Variants in PER2 observed in about 807,000 individuals in gnomAD.
The protein encoded by PER2 is period circadian regulator 2.
Under a neutral mutation model 121.0 loss-of-function variants are expected in PER2, and 66 were observed. That is an observed-to-expected ratio of 0.55 (90% confidence interval 0.45 to 0.67). PER2 has a LOEUF of 0.67. PER2 is among the 30% of genes least tolerant of loss of function. The pLI is 0.00. For synonymous variants in PER2, 684 were observed against 659.9 expected, an observed-to-expected ratio of 1.04 and a Z score of -0.56; for missense variants, 1,521 against 1,635.0, an observed-to-expected ratio of 0.93 and a Z score of 1.20.
Position 238,244,156 on chromosome 2 carries a change from C to T in PER2, c.*2219G>A, listed in dbSNP as rs1302874647. ...GGGTAAAGAAAGTTTGGTTTGCACA[C>T]AAACAAACCACTTGTCCAGCAAGGC... On this transcript the variant is annotated 3_prime_UTR_variant, in exon 23 of 23. Transcript: ENST00000254657. The T allele has an allele frequency of 6.6e-6, 1 of 152,538 alleles. No individual in the cohort carries two copies. Among genetic ancestry groups the T allele is most frequent in the Non-Finnish European group, 1.5e-5 (1 of 68,032 alleles). The allele number at this position is 152,538 out of a possible 1,614,324, so 9.4% of individuals were successfully genotyped here.
At chr2:238,269,339 ACGG>A (rs1222114844) in intron 6 of PER2, among the ~76,000 whole-genome samples, 24 of 150,660 alleles carry the variant, frequency 1.6e-4, no homozygotes, top group African/African-American at 5.1e-4. Flanking sequence ...GAACACACTC[ACGG>A]TGCACTGCTG....
chr2:238,287,840 C>CCACCT (rs1696833719), intron 1 of PER2, among the ~76,000 whole-genome samples: 1 of 152,218 alleles, frequency 6.6e-6, no homozygotes, highest in African/African-American at 2.4e-5. Context: ...GGGAAGCAGG[C>CCACCT]CACCTCCCAC....
At position 238,258,538 on chromosome 2, in the gene PER2, G is replaced by A; in HGVS notation, c.1734C>T (p.Thr578=). 6.2e-7 allele frequency: 1 copy of A among 1,614,244 alleles called. No homozygotes were observed. The stretch of plus-strand genomic sequence containing the variant: ...AGCAGCTGATCTGCTGGTAGGAGCA[G>A]GTGGGCTGGTTCTTGCAGGCCAACT... The part of the protein sequence containing the change: ...PEELACKNQP[T]CSYQQISCLD... Residue 578 remains threonine, a synonymous_variant, in exon 15 of 23, where the codon ACC becomes ACT. Coordinates refer to ENST00000254657, the MANE Select transcript of PER2 (RefSeq NM_022817.3).
chr2:238,262,803 C>T, intron 10 of PER2, 149 bp downstream of exon 10: 1 of 689,014 alleles, frequency 1.5e-6, no homozygotes, highest in Non-Finnish European at 2.7e-6. Flanking sequence ...ACTGCAGTGC[C>T]AGGAGGGAGG....
At chr2:238,250,851 T>C in intron 20 of PER2, 108 bp from the exon 21 acceptor site, 1 of 765,146 alleles carries the variant, frequency 1.3e-6, no homozygotes, top group Non-Finnish European at 2.3e-6. Context: ...CAGTGCCTTC[T>C]TAGGTATTGG....
intron 6 of PER2, among the ~76,000 whole-genome samples, chr2:238,270,507 T>TA: frequency 6.6e-6 from 1 of 152,170 alleles, no homozygotes; most frequent in South Asian, 2.1e-4. Flanking sequence ...CAATGGCTAG[T>TA]TACGGAAAAT....
At chr2:238,287,006 A>G (rs562570323) in intron 1 of PER2, among the ~76,000 whole-genome samples, 12 of 152,306 alleles carry the variant, frequency 7.9e-5, no homozygotes, top group Admixed American at 6.5e-4. Context: ...GAAAACCAAA[A>G]ACCTGGGAAT....
Position 238,244,381 on chromosome 2 carries a change from C to T in PER2, c.*1994G>A, listed in dbSNP as rs186278761. 3 of 152,674 alleles carry T rather than the reference C, an allele frequency of 2.0e-5. No individual in the cohort carries two copies. The highest frequency in any genetic ancestry group is 6.5e-5 in the Admixed American group (1 of 15,306). The allele number at this position is 152,674 out of a possible 1,614,324, so 9.5% of individuals were successfully genotyped here. A position where few individuals can be genotyped will look rare whatever the true frequency, so the allele number is the denominator to read the frequency against. On this transcript the variant is annotated 3_prime_UTR_variant, in exon 23 of 23. Coordinates refer to ENST00000254657, the MANE Select transcript of PER2 (RefSeq NM_022817.3). ...CCTATTAAGTCAACTGCTTGGCACG[C>T]GCTGAAGCTACAGTTAACAATCAGT...
At chr2:238,264,048 G>A (rs1456529781) in intron 9 of PER2, among the ~76,000 whole-genome samples, 2 of 151,696 alleles carry the variant, frequency 1.3e-5, no homozygotes, top group Admixed American at 6.6e-5. Flanking sequence ...AGGAGGAGGG[G>A]GAGCCCTGGC....
At chr2:238,278,247 T>C (rs1002931772) in intron 1 of PER2, among the ~76,000 whole-genome samples, 5 of 152,142 alleles carry the variant, frequency 3.3e-5, no homozygotes, top group Non-Finnish European at 7.3e-5. Flanking sequence ...TTTTTTGTAT[T>C]TTTGGTAGAG....
Position 238,245,363 on chromosome 2 carries a change from T to C in PER2, c.*1012A>G, listed in dbSNP as rs182946457. ...GCTGTGCACCCAACCCAGGGTGCAGTGGGAGAGGTGAGCTCACTGCACCCC... is the reference window on the plus strand; with the variant it reads ...GCTGTGCACCCAACCCAGGGTGCAGCGGGAGAGGTGAGCTCACTGCACCCC... On this transcript the variant is annotated 3_prime_UTR_variant, in exon 23 of 23. Coordinates refer to ENST00000254657, the MANE Select transcript of PER2 (RefSeq NM_022817.3). The C allele has an allele frequency of 5.0e-4, 192 of 387,094 alleles. 2 individuals carry two copies. The highest frequency in any genetic ancestry group is 3.7e-3 in the East Asian group (101 of 27,394). 24.0% of individuals were successfully genotyped at this position (387,094 alleles called of 1,614,324 possible).
chr2:238,271,648 G>A, intron 5 of PER2, 135 bp from the exon 6 acceptor site: 1 of 702,762 alleles, frequency 1.4e-6, no homozygotes, highest in Non-Finnish European at 2.6e-6. Flanking sequence ...CCCTTGCCTA[G>A]CCCTCACCAA....
chr2:238,284,438 T>A (rs1428047880), intron 1 of PER2, among the ~76,000 whole-genome samples: 1 of 133,650 alleles, frequency 7.5e-6, no homozygotes, highest in African/African-American at 2.9e-5. Flanking sequence ...CAAGACTCTA[T>A]CTCAAAAAAA....
At position 238,246,066 on chromosome 2, in the gene PER2, G is replaced by A. The variant is rs1695438444; in HGVS notation, c.*309C>T. 9.1e-6 allele frequency: 2 copies of A among 219,880 alleles called. No homozygotes were observed. The highest frequency in any genetic ancestry group is 1.8e-5 in the Non-Finnish European group (2 of 113,590). The allele number at this position is 219,880 out of a possible 1,614,324, so 13.6% of individuals were successfully genotyped here. ...GTCACAGGACTTCTGGGAGCACTGA[G>A]GCAACTTCCCTGACACTAAGAGGCG... On this transcript the variant is annotated 3_prime_UTR_variant, in exon 23 of 23. Coordinates refer to ENST00000254657, the MANE Select transcript of PER2 (RefSeq NM_022817.3).
intron 1 of PER2, among the ~76,000 whole-genome samples, chr2:238,286,689 G>C: frequency 6.6e-6 from 1 of 152,208 alleles, no homozygotes; most frequent in East Asian, 1.9e-4. Context: ...AGCACACCCA[G>C]AGCCTGTCTT....
chr2:238,268,300 G>T lies in PER2; in HGVS notation c.825-102C>A. 1 of 1,210,206 alleles carries T rather than the reference G, an allele frequency of 8.3e-7. No individual in the cohort carries two copies. Among genetic ancestry groups the T allele is most frequent in the Non-Finnish European group, 1.2e-6 (1 of 839,582 alleles). 75.0% of individuals were successfully genotyped at this position (1,210,206 alleles called of 1,614,324 possible). The stretch of plus-strand genomic sequence containing the variant: ...GGCCCCATGCCATGCTGCAGGTGAT[G>T]TGTACCTCTGCTCTGCCTGAGGAGC... On this transcript the variant is annotated intron_variant, in intron 7 of 22. Coordinates refer to ENST00000254657, the MANE Select transcript of PER2 (RefSeq NM_022817.3). The surrounding 1 kb of genome is among the most constrained non-coding windows in gnomAD (Gnocchi z 4.0).
intron 4 of PER2, among the ~76,000 whole-genome samples, chr2:238,273,698 G>C (rs1385994631): frequency 1.3e-5 from 2 of 152,062 alleles, no homozygotes; most frequent in Non-Finnish European, 2.9e-5. Flanking sequence ...ATGGAGGCTT[G>C]CTCTGTCACC....
chr2:238,277,738 T>A lies in PER2; in HGVS notation c.199A>T (p.Met67Leu). The A allele has an allele frequency of 6.2e-7, 1 of 1,614,102 alleles. No homozygotes were observed. The highest frequency in any genetic ancestry group is 8.5e-7 in the Non-Finnish European group (1 of 1,180,006). The change falls in exon 2 of 23, where the codon ATG becomes TTG. Residue 67 changes from methionine (M) to leucine (L), a missense_variant. By Grantham distance (15) the Met-to-Leu change is conservative. Transcript: ENST00000254657. Reference protein sequence around the residue: ...DCDDSGKELGMLVEPPDARQS... With the variant: ...DCDDSGKELGLLVEPPDARQS... ...CGGGCATCCGGTGGCTCCACCAGCA[T>A]CCCCAGCTCCTTCCCACTGTCGTCA...
chr2:238,253,556 G>A lies in PER2; in HGVS notation c.2467C>T (p.Leu823=), dbSNP rs781558886. ...SGGPVSARPP[L]VGLNATAWSP... ...CAGGCTGTGGCGTTCAAGCCCACCA[G>A]CGGGGGCCGGGCGGACACGGGCCCC... is the stretch of plus-strand genomic sequence containing the variant. The change falls in exon 19 of 23, where the codon CTG becomes TTG. Residue 823 remains leucine, a synonymous_variant. Transcript: ENST00000254657. The surrounding 1 kb of genome is among the most constrained non-coding windows in gnomAD (Gnocchi z 5.6). 1.9e-5 allele frequency: 31 copies of A among 1,610,892 alleles called. 1 individual carries two copies. In the South Asian group the frequency reaches 3.3e-4, roughly 17 times the overall value.
Sources: gnomAD v4.1 joint callset for allele counts (sites outside exome capture counted in the v4.1 genomes callset) on GRCh38, gnomAD v4.1.1 for gene constraint, Gnocchi (gnomAD v3.1) non-coding constraint, MANE v1.5 for transcripts, NCBI Gene and HGNC (gene_info 2026-07-23, HGNC 2026-07-21) for gene names.